Variants in PREPL observed in about 807,000 individuals in gnomAD.
The protein encoded by PREPL is prolyl endopeptidase-like.
PREPL carries 77 observed loss-of-function variants against 70.6 expected under a neutral mutation model. That is an observed-to-expected ratio of 1.09 (90% CI 0.91 to 1.32). The LOEUF (loss-of-function observed/expected upper bound fraction) is 1.32. Ranked by LOEUF, PREPL falls within the 40% of genes most tolerant of loss-of-function variation. PREPL has a pLI of 0.00. For missense variants in PREPL, 1,002 were observed against 778.2 expected (o/e 1.29, Z -3.42); for synonymous variants, 315 against 264.8 (o/e 1.19, Z -1.84).
At chr2:44,322,991 C>A (rs557586243) in intron 11 of PREPL, 137 bp from the exon 12 acceptor site, 1 of 1,218,160 alleles carries the variant, frequency 8.2e-7, no homozygotes, top group Non-Finnish European at 1.1e-6. Flanking sequence ...ATCTTGAGAG[C>A]GCCTCAGTAT....
chr2:44,340,687 G>A (rs1172770983), intron 5 of PREPL, among the ~76,000 whole-genome samples: 1 of 152,028 alleles, frequency 6.6e-6, no homozygotes, highest in Non-Finnish European at 1.5e-5. Context: ...CAGCACTCTG[G>A]GAGGCCAAAG....
At chr2:44,328,438 C>CAAAAAAAA (rs1194898905) in intron 9 of PREPL, among the ~76,000 whole-genome samples, 166 of 60,194 alleles carry the variant, frequency 2.8e-3, no homozygotes, top group African/African-American at 3.7e-3. Context: ...CTGTCTCAAA[C>CAAAAAAAA]AAAAAAAAAA....
At chr2:44,356,174 A>G (rs1411812925) in intron 1 of PREPL, 1 of 152,210 alleles carries the variant, frequency 6.6e-6, no homozygotes, top group African/African-American at 2.4e-5. Flanking sequence ...ATCATCAAAC[A>G]TTTCCAATTT....
intron 8 of PREPL, among the ~76,000 whole-genome samples, chr2:44,331,677 T>A (rs1208699038): frequency 6.6e-6 from 1 of 152,132 alleles, no homozygotes; most frequent in Non-Finnish European, 1.5e-5. Flanking sequence ...TAAAATCCCT[T>A]TGCTCTATGC....
chr2:44,350,365 G>A (rs1676284348), intron 1 of PREPL, among the ~76,000 whole-genome samples: 1 of 151,844 alleles, frequency 6.6e-6, no homozygotes, highest in Admixed American at 6.6e-5. Context: ...TTTGATAAAT[G>A]CAGGGAAAAA....
intron 1 of PREPL, among the ~76,000 whole-genome samples, chr2:44,352,625 A>T (rs1676570350): frequency 6.6e-6 from 1 of 152,200 alleles, no homozygotes; most frequent in Non-Finnish European, 1.5e-5. Context: ...TCACAAAGGC[A>T]GGGATTTTTG....
chr2:44,320,035 T>C lies in PREPL; in HGVS notation c.*1321A>G, dbSNP rs1672790575. On this transcript the variant is annotated 3_prime_UTR_variant, in exon 14 of 14. Coordinates refer to ENST00000409411, the MANE Select transcript of PREPL (RefSeq NM_001171613.2). ...AATTTGTCATTTCTATCAGTTTTTA[T>C]ATAAATTGTTCTTACCTACTTATTG... 3.2e-6 allele frequency: 2 copies of C among 622,000 alleles called. No individual in the cohort carries two copies. The highest frequency in any genetic ancestry group is 5.6e-6 in the Non-Finnish European group (2 of 357,964). The allele number at this position is 622,000 out of a possible 1,614,324, so 38.5% of individuals were successfully genotyped here.
At chr2:44,342,134 G>A (rs949316842) in intron 5 of PREPL, among the ~76,000 whole-genome samples, 1 of 152,150 alleles carries the variant, frequency 6.6e-6, no homozygotes, top group Non-Finnish European at 1.5e-5. Flanking sequence ...CAATCTAGCA[G>A]TTCTAGGTCA....
At position 44,322,729 on chromosome 2, in the gene PREPL, A is replaced by C; in HGVS notation, c.1753+2T>G. The C allele has an allele frequency of 1.2e-6, 2 of 1,612,756 alleles. No individual in the cohort carries two copies. The highest frequency in any genetic ancestry group is 1.7e-6 in the Non-Finnish European group (2 of 1,179,306). On this transcript the variant is annotated splice_donor_variant, in intron 12 of 13. Coordinates refer to ENST00000409411, the MANE Select transcript of PREPL (RefSeq NM_001171613.2). LOFTEE classifies it high-confidence loss of function. ...GTTCCCTGCTTCTAGGGGGTCTCCT[A>C]CCTTCACCTGTGTCCTTAGCATGCT...
rs1572897058 is a variant in PREPL at position 44,344,435 on chromosome 2, T to C, written c.142+85A>G. 3.9e-6 allele frequency: 4 copies of C among 1,018,084 alleles called. No homozygotes were observed. In the East Asian group the frequency reaches 1.1e-4, roughly 29 times the overall value. 63.1% of individuals were successfully genotyped at this position (1,018,084 alleles called of 1,614,324 possible). On this transcript the variant is annotated intron_variant, in intron 3 of 13. Coordinates refer to ENST00000409411, the MANE Select transcript of PREPL (RefSeq NM_001171613.2). Reference sequence around the variant, plus strand: ...AAATAATCTTTAAAAAAATCTTTTCTCTATCTTTGAGAAATTAATAAATTT... The same window carrying C: ...AAATAATCTTTAAAAAAATCTTTTCCCTATCTTTGAGAAATTAATAAATTT...
At chr2:44,361,055 A>G (rs1190541420) in intron 1 of PREPL, among the ~76,000 whole-genome samples, 4 of 152,230 alleles carry the variant, frequency 2.6e-5, no homozygotes, top group African/African-American at 4.8e-5. Flanking sequence ...AGACCCGAAT[A>G]ACAAGGACCT....
Position 44,326,046 on chromosome 2 carries a change from G to C in PREPL, c.1479+666C>G, listed in dbSNP as rs185989115. Among the ~76,000 whole-genome samples the C allele has an allele frequency of 1.6e-3, 240 of 152,334 alleles. 1 individual carries two copies. Among genetic ancestry groups the C allele is most frequent in the African/African-American group, 5.5e-3 (230 of 41,578 alleles). On this transcript the variant is annotated intron_variant, in intron 10 of 13. Coordinates refer to ENST00000409411, the MANE Select transcript of PREPL (RefSeq NM_001171613.2). ...CTGAAATGTTGATGGGCAGTAGCCT[G>C]TCAAGGTGACCAGGAGCCAAAGGAC...
intron 1 of PREPL, among the ~76,000 whole-genome samples, chr2:44,354,486 G>A (rs1178126512): frequency 6.6e-6 from 1 of 152,062 alleles, no homozygotes; most frequent in African/African-American, 2.4e-5. Flanking sequence ...CTATCTACAT[G>A]TAACAACTCT....
chr2:44,342,412 AG>A lies in PREPL; in HGVS notation c.485+4del, dbSNP rs1423495727. On this transcript the variant is annotated splice_donor_region_variant and intron_variant, in intron 5 of 13. Coordinates refer to ENST00000409411, the MANE Select transcript of PREPL (RefSeq NM_001171613.2). ...GAGAAAGATTTAATTATATTATTCT[AG>A]TACCTTGGGTCTTTTTCTGTGTAAA... The A allele has an allele frequency of 1.0e-5, 16 of 1,607,534 alleles. No individual in the cohort carries two copies. Among genetic ancestry groups the A allele is most frequent in the Non-Finnish European group, 1.2e-5 (14 of 1,176,608 alleles).
At chr2:44,331,861 T>A (rs1442923498) in intron 8 of PREPL, among the ~76,000 whole-genome samples, 1 of 152,132 alleles carries the variant, frequency 6.6e-6, no homozygotes, top group Non-Finnish European at 1.5e-5. Context: ...ACATACCAAC[T>A]CTATTAATTT....
chr2:44,351,623 G>A (rs1000021104), intron 1 of PREPL, among the ~76,000 whole-genome samples: 1 of 151,732 alleles, frequency 6.6e-6, no homozygotes, highest in Non-Finnish European at 1.5e-5. Context: ...AGTTGGATTT[G>A]TCTTTTTCTC....
chr2:44,333,352 T>A (rs906615173), intron 7 of PREPL, among the ~76,000 whole-genome samples: 14 of 152,316 alleles, frequency 9.2e-5, no homozygotes, highest in African/African-American at 3.1e-4. Context: ...AGCCTTGCAC[T>A]AACATCCCTC....
At chr2:44,325,032 T>G (rs974200078) in intron 10 of PREPL, among the ~76,000 whole-genome samples, 5 of 152,240 alleles carry the variant, frequency 3.3e-5, no homozygotes, top group African/African-American at 1.2e-4. Flanking sequence ...TAACCAAGTA[T>G]AGTGAGTCAT....
At chr2:44,340,117 GATT>G (rs1427678171) in intron 5 of PREPL, among the ~76,000 whole-genome samples, 3 of 151,754 alleles carry the variant, frequency 2.0e-5, no homozygotes, top group African/African-American at 4.8e-5. Context: ...AAGTCTTTGT[GATT>G]ATTATTTTTA....
Sources: allele counts gnomAD v4.1 joint callset (sites outside exome capture counted in the v4.1 genomes callset), GRCh38; gene constraint gnomAD v4.1.1; transcripts MANE v1.5; gene names NCBI Gene and HGNC (gene_info 2026-07-23, HGNC 2026-07-21).